Variants in CDHR5 observed in about 807,000 individuals in gnomAD.
CDHR5 encodes cadherin related family member 5.
Under a neutral mutation model 69.5 loss-of-function variants are expected in CDHR5, and 82 were observed. That is an observed-to-expected ratio of 1.18 (90% CI 0.99 to 1.42). The LOEUF (loss-of-function observed/expected upper bound fraction) is 1.42. Ranked by LOEUF, CDHR5 falls within the 40% of genes most tolerant of loss-of-function variation. The probability of loss-of-function intolerance (pLI) is 0.00; values close to 1 mark genes in which losing one functional copy is unlikely to be tolerated. For missense variants in CDHR5, 1,293 were observed against 1,168.9 expected, an observed-to-expected ratio of 1.11 and a Z score of -1.55; for synonymous variants, 601 against 510.2, an observed-to-expected ratio of 1.18 and a Z score of -2.40.
rs980902721 is a variant in CDHR5, at chr11:616,601, G to A, written c.*750C>T. 7 of 152,402 alleles carry A rather than the reference G, an allele frequency of 4.6e-5. No homozygotes were observed. Among genetic ancestry groups the A allele is most frequent in the African/African-American group, 1.7e-4 (7 of 41,458 alleles). The allele number at this position is 152,402 out of a possible 1,614,324, so 9.4% of individuals were successfully genotyped here. A position where few individuals can be genotyped will look rare whatever the true frequency, so the allele number is the denominator to read the frequency against. On this transcript the variant is annotated 3_prime_UTR_variant, in exon 15 of 15. Coordinates refer to ENST00000397542, the MANE Select transcript of CDHR5 (RefSeq NM_021924.5). Reference sequence around the variant, plus strand: ...TAAAACATTTGGAAAGGAATTAATGGTGTATTTCCATTAGGGAAAGTGCTG... The same window carrying A: ...TAAAACATTTGGAAAGGAATTAATGATGTATTTCCATTAGGGAAAGTGCTG...
At chr11:620,602 C>T (rs118133551) in intron 7 of CDHR5, among the ~76,000 whole-genome samples, 1,924 of 152,288 alleles carry the variant, frequency 0.013, 15 homozygotes, top group Non-Finnish European at 0.02. Context: ...GTCCAGTGGC[C>T]CAAAGATACT....
chr11:618,198 A>G (rs1021206239), intron 13 of CDHR5, 87 bp from the exon 14 acceptor site: 1 of 1,168,238 alleles, frequency 8.6e-7, no homozygotes, highest in Non-Finnish European at 1.2e-6. Context: ...GGCTTGGGAC[A>G]CTTGGGTTCC....
chr11:617,035 A>C lies in CDHR5; in HGVS notation c.*316T>G. ...GGGGAGCCCCCCTCGGGCTGTGGTT[A>C]GAGCGGGAGAGGAACTTCCCAGACT... On this transcript the variant is annotated 3_prime_UTR_variant, in exon 15 of 15. Coordinates refer to ENST00000397542, the MANE Select transcript of CDHR5 (RefSeq NM_021924.5). 1 of 381,226 alleles carries C rather than the reference A, an allele frequency of 2.6e-6. No homozygotes were observed. Among genetic ancestry groups the C allele is most frequent in the Non-Finnish European group, 4.8e-6 (1 of 209,862 alleles). 23.6% of individuals were successfully genotyped at this position (381,226 alleles called of 1,614,324 possible). A position where few individuals can be genotyped will look rare whatever the true frequency, so the allele number is the denominator to read the frequency against.
At position 619,174 on chromosome 11, in the gene CDHR5, G is replaced by A. The variant is rs765173046; in HGVS notation, c.1385C>T (p.Pro462Leu). ...TGTTCCTCCAGCCTCTGGGGATGGG[G>A]GGACATCTGGGGGCCGGGAACAGTG... ...SEQEPPSTDV[P>L]PSPEAGGTTG... is the part of the protein sequence containing the mutation. Residue 462 changes from proline to leucine, a missense_variant, in exon 13 of 15, where the codon CCC (proline) becomes CTC (leucine). Transcript: ENST00000397542. 1 of 1,532,876 alleles carries A rather than the reference G, an allele frequency of 6.5e-7. No individual in the cohort carries two copies. Among genetic ancestry groups the A allele is most frequent in the Non-Finnish European group, 8.8e-7 (1 of 1,138,630 alleles). The allele number at this position is 1,532,876 out of a possible 1,614,324, so 95.0% of individuals were successfully genotyped here.
rs1008141862 is a variant in CDHR5 at position 619,039 on chromosome 11, C to T, written c.1520G>A (p.Gly507Asp). 6 of 1,613,032 alleles carry T rather than the reference C, an allele frequency of 3.7e-6. No homozygotes were observed. In the African/African-American group the frequency reaches 5.4e-5, roughly 14 times the overall value. The change falls in exon 13 of 15, where the codon GGC (glycine) becomes GAC (aspartate). Residue 507 changes from glycine to aspartate, a missense_variant. Gly to Asp is a moderately conservative substitution (Grantham distance 94). Coordinates refer to ENST00000397542, the MANE Select transcript of CDHR5 (RefSeq NM_021924.5). ...CGAGGTTGGTGGCCTCAGAGTTGTG[C>T]CAGAGGGTGGATGAGGGCCTGTGCC... The part of the protein sequence containing the change: ...GGGTGPHPPS[G>D]TTLRPPTSST...
Position 624,070 on chromosome 11 carries a change from G to A in CDHR5, c.312+143C>T. ...ACAGCTCAGGGCAGAGTCTGGACTG[G>A]AGGAAATGTGGGCATCACCCTCGGG... On this transcript the variant is annotated intron_variant, in intron 3 of 14. Transcript: ENST00000397542. This position sits in a 1 kb window ranked among gnomAD's most constrained non-coding sequence, Gnocchi z 5.3. The A allele has an allele frequency of 1.5e-6, 1 of 647,748 alleles. No homozygotes were observed. The highest frequency in any genetic ancestry group is 2.8e-6 in the Non-Finnish European group (1 of 353,680). 40.1% of individuals were successfully genotyped at this position (647,748 alleles called of 1,614,324 possible).
At position 617,088 on chromosome 11, in the gene CDHR5, C is replaced by A. The variant is rs564269848; in HGVS notation, c.*263G>T. The A allele has an allele frequency of 3.8e-6, 2 of 519,748 alleles. No homozygotes were observed. The highest frequency in any genetic ancestry group is 6.8e-6 in the Non-Finnish European group (2 of 294,106). The allele number at this position is 519,748 out of a possible 1,614,324, so 32.2% of individuals were successfully genotyped here. ...CTGGCACAGAGCCTCGGGAAGGCGG[C>A]GGGCACTGCAGGTGGTTTACGGGAA... On this transcript the variant is annotated 3_prime_UTR_variant, in exon 15 of 15. Coordinates refer to ENST00000397542, the MANE Select transcript of CDHR5 (RefSeq NM_021924.5).
At position 619,302 on chromosome 11, in the gene CDHR5, T is replaced by C. The variant is rs1430096960; in HGVS notation, c.1378+4A>G. The C allele has an allele frequency of 2.5e-6, 4 of 1,596,816 alleles. No individual in the cohort carries two copies. In the African/African-American group the frequency reaches 5.4e-5, roughly 21 times the overall value. ...TGGGGGCTCACCTGTGGAGGGGGGCTTACCTGTGGAGGGGGGCTCCTGTTC... is the reference window on the plus strand; with the variant it reads ...TGGGGGCTCACCTGTGGAGGGGGGCCTACCTGTGGAGGGGGGCTCCTGTTC... On this transcript the variant is annotated splice_donor_region_variant and intron_variant, in intron 12 of 14. Transcript: ENST00000397542.
At position 624,117 on chromosome 11, in the gene CDHR5, C is replaced by A; in HGVS notation, c.312+96G>T. On this transcript the variant is annotated intron_variant, in intron 3 of 14. Coordinates refer to ENST00000397542, the MANE Select transcript of CDHR5 (RefSeq NM_021924.5). This position sits in a 1 kb window ranked among gnomAD's most constrained non-coding sequence, Gnocchi z 5.3. ...CGGGGGGGTGGAATTTGAAACCACA[C>A]CCTAGCTGACGTCATCAAAGACTGG... 1.5e-6 allele frequency: 1 copy of A among 688,452 alleles called. No individual in the cohort carries two copies. Among genetic ancestry groups the A allele is most frequent in the Non-Finnish European group, 2.7e-6 (1 of 370,364 alleles). The allele number at this position is 688,452 out of a possible 1,614,324, so 42.6% of individuals were successfully genotyped here.
rs1218627939 is a variant in CDHR5 at position 616,699 on chromosome 11, AG to A, written c.*651del. 2.2e-4 allele frequency: 34 copies of A among 154,108 alleles called. No individual in the cohort carries two copies. Among genetic ancestry groups the A allele is most frequent in the African/African-American group, 8.0e-4 (33 of 41,492 alleles). 9.5% of individuals were successfully genotyped at this position (154,108 alleles called of 1,614,324 possible). Reference sequence around the variant, plus strand: ...CTGGGCTCTGGCTTTGGGAGCAGCGAGGGGAATGTGTCTCTCACCCCTAGGC... The same window carrying A: ...CTGGGCTCTGGCTTTGGGAGCAGCGAGGGAATGTGTCTCTCACCCCTAGGC... On this transcript the variant is annotated 3_prime_UTR_variant, in exon 15 of 15. Transcript: ENST00000397542.
At position 617,628 on chromosome 11, in the gene CDHR5, G is replaced by T; in HGVS notation, c.2261C>A (p.Ser754Tyr). 3 of 1,587,204 alleles carry T rather than the reference G, an allele frequency of 1.9e-6. No homozygotes were observed. The highest frequency in any genetic ancestry group is 2.6e-6 in the Non-Finnish European group (3 of 1,167,676). ...GGGGGGCTCAGGGGCACCGCCTGGGGAGGCAGGGCCGGGGGGTGCGGGCTC... is the reference window on the plus strand; with the variant it reads ...GGGGGGCTCAGGGGCACCGCCTGGGTAGGCAGGGCCGGGGGGTGCGGGCTC... ...PAEPAPPGPA[S>Y]PGGAPEPPAA... The change falls in exon 15 of 15, where the codon TCC (serine) becomes TAC (tyrosine). Residue 754 changes from serine to tyrosine, a missense_variant. By Grantham distance (144) the Ser-to-Tyr change is moderately radical. Coordinates refer to ENST00000397542, the MANE Select transcript of CDHR5 (RefSeq NM_021924.5).
chr11:621,387 G>A lies in CDHR5; in HGVS notation c.576C>T (p.Asp192=). Residue 192 remains aspartate (D), a synonymous_variant, in exon 6 of 15, where the codon GAC becomes GAT. Transcript: ENST00000397542. This position sits in a 1 kb window ranked among gnomAD's most constrained non-coding sequence, Gnocchi z 4.4. ...RPALRLDRPL[D]FYERPNMTFW... is the part of the protein sequence containing the mutation. ...AGGTCATGTTCGGCCGCTCGTAGAA[G>A]TCCAGGGGCCGGTCCAGCCTCAGGG... is the stretch of plus-strand genomic sequence containing the variant. The A allele has an allele frequency of 6.2e-7, 1 of 1,613,156 alleles. No individual in the cohort carries two copies. Among genetic ancestry groups the A allele is most frequent in the Non-Finnish European group, 8.5e-7 (1 of 1,180,004 alleles).
Position 617,591 on chromosome 11 carries a change from TCGGGCCGCTG to T in CDHR5, c.2288_2297del (p.Ala763GlufsTer9). On this transcript the variant is annotated frameshift_variant, in exon 15 of 15. Coordinates refer to ENST00000397542, the MANE Select transcript of CDHR5 (RefSeq NM_021924.5). LOFTEE classifies it low-confidence loss of function (END_TRUNC). ...TCACCGCCGTGGGGCTTCCGCCAGC[TCGGGCCGCTG>T]CGGGGGGCTCAGGGGCACCGCCTGG... The T allele has an allele frequency of 6.2e-7, 1 of 1,609,318 alleles. No homozygotes were observed.
intron 3 of CDHR5, among the ~76,000 whole-genome samples, chr11:622,871 C>T (rs548149584): frequency 6.6e-5 from 10 of 152,280 alleles, no homozygotes; most frequent in East Asian, 5.8e-4. Flanking sequence ...CCACATTCCC[C>T]GTGGTCTCTG....
intron 13 of CDHR5, 92 bp from the exon 14 acceptor site, chr11:618,203 G>T: frequency 1.8e-6 from 2 of 1,116,306 alleles, no homozygotes; most frequent in Non-Finnish European, 1.3e-6. Flanking sequence ...GGGACACTTG[G>T]GTTCCACCCA....
Position 624,943 on chromosome 11 carries a change from G to T in CDHR5, c.-41C>A, listed in dbSNP as rs780950931. 2.0e-6 allele frequency: 3 copies of T among 1,481,036 alleles called. No individual in the cohort carries two copies. The East Asian group carries it at 7.4e-5, about 36-fold the overall frequency. 91.7% of individuals were successfully genotyped at this position (1,481,036 alleles called of 1,614,324 possible). A position where few individuals can be genotyped will look rare whatever the true frequency, so the allele number is the denominator to read the frequency against. ...CTGGCAGGAGGGTCTGAGCGGGTCT[G>T]GCGTCTAGGACTGGCGCAGTTCCTA... On this transcript the variant is annotated 5_prime_UTR_variant, in exon 1 of 15. Transcript: ENST00000397542. The surrounding 1 kb of genome is among the most constrained non-coding windows in gnomAD (Gnocchi z 5.3).
chr11:617,857 T>G (rs1857057771), intron 14 of CDHR5, 87 bp from the exon 15 acceptor site: 41 of 1,495,436 alleles, frequency 2.7e-5, no homozygotes, highest in Non-Finnish European at 3.5e-5. Context: ...TGGACACCCC[T>G]CCGTCTCCAC....
rs752747793 is a variant in CDHR5 at position 618,099 on chromosome 11, G to A, written c.1973C>T (p.Ser658Leu). The stretch of plus-strand genomic sequence containing the variant: ...CACCACCGAGAAGCGCTTGTCCTCC[G>A]AGGGGCCGCCACCTGGCATCGCAGT... ...KSTPSSGGGP[S>L]EDKRFSVVDM... The change falls in exon 14 of 15, where the codon TCG becomes TTG. Residue 658 changes from serine (S) to leucine (L), a missense_variant. Transcript: ENST00000397542. The A allele has an allele frequency of 1.7e-5, 28 of 1,609,002 alleles. No homozygotes were observed. The highest frequency in any genetic ancestry group is 1.3e-4 in the East Asian group (6 of 44,844).
intron 3 of CDHR5, among the ~76,000 whole-genome samples, chr11:623,373 A>C (rs895452326): frequency 2.0e-5 from 3 of 152,192 alleles, no homozygotes; most frequent in Non-Finnish European, 4.4e-5. Flanking sequence ...GCCGTGGTGC[A>C]TGGAGGGCAC....
Sources: gnomAD v4.1 joint callset for allele counts (sites outside exome capture counted in the v4.1 genomes callset) on GRCh38, gnomAD v4.1.1 for gene constraint, Gnocchi (gnomAD v3.1) non-coding constraint, MANE v1.5 for transcripts, NCBI Gene and HGNC (gene_info 2026-07-23, HGNC 2026-07-21) for gene names.